CLPB: variants seen among roughly 807,000 people sequenced by gnomAD.
CLPB encodes mitochondrial disaggregase.
A neutral mutation model predicts 78.4 loss-of-function variants in CLPB; 40 were observed. The observed-to-expected ratio is 0.51, with a 90% CI of 0.40 to 0.66. The LOEUF is 0.66. CLPB is among the 30% of genes least tolerant of loss of function. CLPB has a pLI of 0.00. For synonymous variants in CLPB, 333 were observed against 348.0 expected (o/e 0.96, Z 0.48); for missense variants, 780 against 886.9 (o/e 0.88, Z 1.53).
intron 4 of CLPB, among the ~76,000 whole-genome samples, chr11:72,366,057 T>C (rs574042361): frequency 2.6e-5 from 4 of 152,250 alleles, no homozygotes; most frequent in African/African-American, 9.6e-5. Flanking sequence ...AATTGACAAA[T>C]GGGGCCTAAT....
intron 5 of CLPB, chr11:72,352,498 A>C (rs1021324054): frequency 6.6e-6 from 1 of 152,222 alleles, no homozygotes; most frequent in Non-Finnish European, 1.5e-5. Flanking sequence ...GCCTTTGAAC[A>C]CGTTGCTCCC....
intron 4 of CLPB, among the ~76,000 whole-genome samples, chr11:72,364,928 G>A (rs1950914998): frequency 6.6e-6 from 1 of 152,136 alleles, no homozygotes; most frequent in Non-Finnish European, 1.5e-5. Flanking sequence ...AATGGACAAA[G>A]GACTGGAATA....
chr11:72,434,502 G>C lies in CLPB; in HGVS notation c.-28C>G, dbSNP rs370511309. On this transcript the variant is annotated 5_prime_UTR_variant, in exon 1 of 16. Coordinates refer to ENST00000538039, the MANE Select transcript of CLPB (RefSeq NM_001258392.3). ...TGACAGCTGCTTCGATAACCCCGTG[G>C]TGCCGGCCCCTGTGCTGACCACGTC... 3.7e-5 allele frequency: 56 copies of C among 1,521,020 alleles called. 3 individuals carry two copies. In the South Asian group the frequency reaches 5.9e-4, roughly 16 times the overall value. 94.2% of individuals were successfully genotyped at this position (1,521,020 alleles called of 1,614,324 possible). A position where few individuals can be genotyped will look rare whatever the true frequency, so the allele number is the denominator to read the frequency against.
chr11:72,335,992 C>A (rs1443310308), intron 5 of CLPB, among the ~76,000 whole-genome samples: 1 of 152,064 alleles, frequency 6.6e-6, no homozygotes, highest in Non-Finnish European at 1.5e-5. Flanking sequence ...GCCCCGGTAC[C>A]CTCTATGCTC....
intron 12 of CLPB, among the ~76,000 whole-genome samples, chr11:72,295,013 TG>T (rs1440236881): frequency 1.3e-5 from 2 of 152,180 alleles, no homozygotes; most frequent in Admixed American, 1.3e-4. Flanking sequence ...CGATCTTGAA[TG>T]GAAAAGGTGA....
chr11:72,400,302 G>T (rs529774669), intron 3 of CLPB, among the ~76,000 whole-genome samples: 11 of 152,260 alleles, frequency 7.2e-5, no homozygotes, highest in African/African-American at 2.4e-4. Context: ...TGTCCTCCCT[G>T]GATAGTGGAA....
chr11:72,318,490 G>C (rs918959395), intron 6 of CLPB, among the ~76,000 whole-genome samples: 1 of 152,178 alleles, frequency 6.6e-6, no homozygotes, highest in Non-Finnish European at 1.5e-5. Flanking sequence ...GGAATGACCA[G>C]GTCTTCAGGA....
chr11:72,422,193 G>A (rs35970208), intron 2 of CLPB, among the ~76,000 whole-genome samples: 1 of 149,956 alleles, frequency 6.7e-6, no homozygotes, highest in Non-Finnish European at 1.5e-5. Flanking sequence ...GTGAACCCGA[G>A]AGGCGGAGCT....
At chr11:72,381,326 C>T (rs1041486255) in intron 3 of CLPB, among the ~76,000 whole-genome samples, 12 of 152,150 alleles carry the variant, frequency 7.9e-5, no homozygotes, top group African/African-American at 2.4e-4. Context: ...CCCAAACTCC[C>T]GGCTGATACC....
Position 72,430,687 on chromosome 11 carries a change from C to T in CLPB, c.404-324G>A, listed in dbSNP as rs148326298. Reference sequence around the variant, plus strand: ...CATAATCTATGAAGCTCTGCATATGCTTTATGTTCCTATAAGAGTTATTAC... The same window carrying T: ...CATAATCTATGAAGCTCTGCATATGTTTTATGTTCCTATAAGAGTTATTAC... On this transcript the variant is annotated intron_variant, in intron 1 of 15. Coordinates refer to ENST00000538039, the MANE Select transcript of CLPB (RefSeq NM_001258392.3). Among the ~76,000 whole-genome samples the T allele has an allele frequency of 2.0e-3, 302 of 152,296 alleles. 1 individual carries two copies. Among genetic ancestry groups the T allele is most frequent in the African/African-American group, 6.5e-3 (269 of 41,560 alleles).
At chr11:72,395,421 A>G (rs1386053487) in intron 3 of CLPB, among the ~76,000 whole-genome samples, 1 of 152,218 alleles carries the variant, frequency 6.6e-6, no homozygotes, top group African/African-American at 2.4e-5. Flanking sequence ...GGGTTCAGAA[A>G]GACCCAGCTT....
chr11:72,337,700 G>A (rs1296326520), intron 5 of CLPB, among the ~76,000 whole-genome samples: 1 of 152,174 alleles, frequency 6.6e-6, no homozygotes, highest in Admixed American at 6.5e-5. Context: ...AAGGAAGCCA[G>A]GTCTGATTTT....
intron 5 of CLPB, chr11:72,355,462 A>G (rs1950695266): frequency 6.6e-6 from 1 of 152,224 alleles, no homozygotes; most frequent in Non-Finnish European, 1.5e-5. Context: ...TCACAATGAT[A>G]AGTACTTATA....
Position 72,308,541 on chromosome 11 carries a change from C to A in CLPB, c.1052G>T (p.Gly351Val). 6.2e-7 allele frequency: 1 copy of A among 1,614,098 alleles called. No individual in the cohort carries two copies. The highest frequency in any genetic ancestry group is 8.5e-7 in the Non-Finnish European group (1 of 1,179,972). Reference protein sequence around the residue: ...EEHPLVFLFLGSSGIGKTELA... With the variant: ...EEHPLVFLFLVSSGIGKTELA... Reference sequence around the variant, plus strand: ...CTCCCAATTACCTATTCCAGATGATCCCAAGAAGAGGAAGACCAGAGGGTG... The same window carrying A: ...CTCCCAATTACCTATTCCAGATGATACCAAGAAGAGGAAGACCAGAGGGTG... The change falls in exon 8 of 16, where the codon GGA (glycine) becomes GTA (valine). Residue 351 changes from glycine (G) to valine (V), a missense_variant. Around this residue, in one of 3 missense-constraint regions of CLPB, gnomAD observed 91 missense variants for 168.2 expected, o/e 0.54. Coordinates refer to ENST00000538039, the MANE Select transcript of CLPB (RefSeq NM_001258392.3).
chr11:72,394,191 C>T (rs747841949), intron 3 of CLPB, among the ~76,000 whole-genome samples: 15 of 152,182 alleles, frequency 9.9e-5, no homozygotes, highest in Admixed American at 2.0e-4. Flanking sequence ...TATCTACTGC[C>T]GACCCCTGGC....
rs116726870 is a variant in CLPB, at chr11:72,300,452, C to T, written c.1329+1351G>A. 4.0e-3 allele frequency among the ~76,000 whole-genome samples: 605 copies of T among 152,318 alleles called. 5 individuals carry two copies. The highest frequency in any genetic ancestry group is 0.014 in the African/African-American group (574 of 41,560). Reference sequence around the variant, plus strand: ...AGAGGCTGGAATGGAGTAGAGGCCTCAGTGTACACGTGAGTAACTGAGTAT... The same window carrying T: ...AGAGGCTGGAATGGAGTAGAGGCCTTAGTGTACACGTGAGTAACTGAGTAT... On this transcript the variant is annotated intron_variant, in intron 11 of 15. Coordinates refer to ENST00000538039, the MANE Select transcript of CLPB (RefSeq NM_001258392.3).
chr11:72,288,984 G>C lies in CLPB; in HGVS notation c.*4383C>G, dbSNP rs1045324087. 1 of 152,198 alleles carries C rather than the reference G, an allele frequency of 6.6e-6. No homozygotes were observed. Among genetic ancestry groups the C allele is most frequent in the Non-Finnish European group, 1.5e-5 (1 of 68,086 alleles). The allele number at this position is 152,198 out of a possible 1,614,324, so 9.4% of individuals were successfully genotyped here. On this transcript the variant is annotated 3_prime_UTR_variant, in exon 16 of 16. Transcript: ENST00000538039. ...CGGCTCACTGCAACCTCCACCTCCCGGGTTCAAGCGATTCTCCTGCCTCAG... is the reference window on the plus strand; with the variant it reads ...CGGCTCACTGCAACCTCCACCTCCCCGGTTCAAGCGATTCTCCTGCCTCAG...
At chr11:72,299,469 T>C (rs998518362) in intron 11 of CLPB, among the ~76,000 whole-genome samples, 4 of 152,170 alleles carry the variant, frequency 2.6e-5, no homozygotes, top group African/African-American at 9.7e-5. Context: ...TGTCCTTGTT[T>C]TCCCTCTGCA....
chr11:72,290,099 G>A lies in CLPB; in HGVS notation c.*3268C>T, dbSNP rs989066324. On this transcript the variant is annotated 3_prime_UTR_variant, in exon 16 of 16. Coordinates refer to ENST00000538039, the MANE Select transcript of CLPB (RefSeq NM_001258392.3). ...CTTGGTTTCTAAGTTCCTTTTTTCT[G>A]GAATAAAAGGAACTGGGAGCTTCTT... 1.3e-5 allele frequency: 2 copies of A among 152,088 alleles called. No homozygotes were observed. Among genetic ancestry groups the A allele is most frequent in the African/African-American group, 4.8e-5 (2 of 41,392 alleles). The allele number at this position is 152,088 out of a possible 1,614,324, so 9.4% of individuals were successfully genotyped here. A position where few individuals can be genotyped will look rare whatever the true frequency, so the allele number is the denominator to read the frequency against.
Sources: allele counts gnomAD v4.1 joint callset (sites outside exome capture counted in the v4.1 genomes callset), GRCh38; gene constraint gnomAD v4.1.1; regional missense constraint gnomAD v4.1.1; transcripts MANE v1.5; gene names NCBI Gene and HGNC (gene_info 2026-07-23, HGNC 2026-07-21).